FANCM: variants seen among roughly 807,000 people sequenced by gnomAD.
FANCM encodes Fanconi anemia group M protein.
In FANCM, 140 loss-of-function variants were observed where a neutral mutation model predicts 199.5. The ratio of observed to expected loss-of-function variants is 0.70; its 90% CI spans 0.61 to 0.81. The LOEUF is 0.81. FANCM is among the 30% of genes least tolerant of loss of function. The pLI is 0.00. For synonymous variants in FANCM, 840 were observed against 836.8 expected (o/e 1.00, Z -0.07); for missense variants, 2,410 against 2,421.4 (o/e 1.00, Z 0.10).
At chr14:45,158,168 A>C (rs566128369) in intron 8 of FANCM, among the ~76,000 whole-genome samples, 20 of 152,338 alleles carry the variant, frequency 1.3e-4, no homozygotes, top group African/African-American at 4.8e-4. Flanking sequence ...ACTGCATTCC[A>C]GCCTAGGTGA....
chr14:45,156,634 A>G (rs904285237), intron 8 of FANCM, among the ~76,000 whole-genome samples: 3 of 151,964 alleles, frequency 2.0e-5, no homozygotes, highest in Non-Finnish European at 1.5e-5. Flanking sequence ...AGAAAAAGGG[A>G]ATTGGCCAGG....
chr14:45,181,877 A>T (rs1889095844), intron 16 of FANCM, among the ~76,000 whole-genome samples, 172 bp downstream of exon 16: 1 of 152,210 alleles, frequency 6.6e-6, no homozygotes, highest in Non-Finnish European at 1.5e-5. Context: ...AGATGTATTC[A>T]CTGTAAACTT....
At chr14:45,158,361 CA>C (rs1295493148) in intron 8 of FANCM, among the ~76,000 whole-genome samples, 2 of 152,042 alleles carry the variant, frequency 1.3e-5, no homozygotes, top group Admixed American at 1.3e-4. Context: ...ACCAATCACC[CA>C]GAGAATTAAG....
intron 11 of FANCM, among the ~76,000 whole-genome samples, chr14:45,169,390 T>TC (rs1016495309): frequency 2.0e-5 from 3 of 151,310 alleles, no homozygotes; most frequent in African/African-American, 7.3e-5. Context: ...TTTGTTTTTT[T>TC]TTTTTCATTT....
chr14:45,152,096 T>C (rs1011795106), intron 5 of FANCM, among the ~76,000 whole-genome samples: 1 of 151,632 alleles, frequency 6.6e-6, no homozygotes, highest in African/African-American at 2.4e-5. Context: ...TGGTGTGACC[T>C]TGGCTCACTG....
At chr14:45,192,534 T>A (rs1321129667) in intron 20 of FANCM, among the ~76,000 whole-genome samples, 1 of 152,106 alleles carries the variant, frequency 6.6e-6, no homozygotes, top group African/African-American at 2.4e-5. Context: ...CCCCAGCTAT[T>A]CAGGAGGCTG....
chr14:45,166,998 T>C lies in FANCM; in HGVS notation c.1837T>C (p.Ser613Pro). 1 of 1,609,530 alleles carries C rather than the reference T, an allele frequency of 6.2e-7. No homozygotes were observed. Among genetic ancestry groups the C allele is most frequent in the Non-Finnish European group, 8.5e-7 (1 of 1,175,828 alleles). ...SNKRSIYKAI[S>P]SNRQVLHFYQ... ...CAAAAGAAGTATATATAAAGCTATT[T>C]CAAGTAACAGGCAGGTCCTTCATTT... is the stretch of plus-strand genomic sequence containing the variant. Residue 613 changes from serine (S) to proline (P), a missense_variant, in exon 11 of 23, where the codon TCA becomes CCA. Transcript: ENST00000267430.
chr14:45,163,380 T>C (rs1887740322), intron 9 of FANCM, among the ~76,000 whole-genome samples: 1 of 152,232 alleles, frequency 6.6e-6, no homozygotes, highest in African/African-American at 2.4e-5. Flanking sequence ...AATTCAGCTT[T>C]TGATGTTGCA....
At chr14:45,141,465 T>TCCCCCCCCC (rs1885939670) in intron 3 of FANCM, among the ~76,000 whole-genome samples, 1 of 122,474 alleles carries the variant, frequency 8.2e-6, no homozygotes, top group African/African-American at 3.5e-5. Context: ...GTTGCAGGAC[T>TCCCCCCCCC]CCCCTCCCCT....
At chr14:45,138,545 TTA>T (rs1301822134) in intron 2 of FANCM, among the ~76,000 whole-genome samples, 55 of 152,238 alleles carry the variant, frequency 3.6e-4, no homozygotes, top group African/African-American at 1.3e-3. Flanking sequence ...TTAAAAAATT[TTA>T]GCTTGAGGCC....
intron 3 of FANCM, among the ~76,000 whole-genome samples, chr14:45,142,489 G>A (rs112523216): frequency 0.013 from 1,921 of 151,836 alleles, 65 homozygotes; most frequent in African/African-American, 0.044. Context: ...TGTATTTTTA[G>A]TAGAGACAAG....
At chr14:45,157,438 G>T (rs2139180845) in intron 8 of FANCM, among the ~76,000 whole-genome samples, 1 of 152,296 alleles carries the variant, frequency 6.6e-6, no homozygotes, top group African/African-American at 2.4e-5. Context: ...AAAAAAGCTT[G>T]GGGAGGAAAC....
chr14:45,174,266 A>C (rs1888521472), intron 13 of FANCM, among the ~76,000 whole-genome samples: 1 of 152,124 alleles, frequency 6.6e-6, no homozygotes, highest in Non-Finnish European at 1.5e-5. Flanking sequence ...ACATGCCTGT[A>C]ATCCCAGCTA....
chr14:45,161,340 T>C (rs1238890943), intron 9 of FANCM, among the ~76,000 whole-genome samples: 1 of 152,218 alleles, frequency 6.6e-6, no homozygotes, highest in Non-Finnish European at 1.5e-5. Context: ...AGAAACACGA[T>C]ATTAAGTCAG....
rs752523363 is a variant in FANCM, at chr14:45,183,887, A to G, written c.4500A>G (p.Arg1500=). The G allele has an allele frequency of 2.5e-6, 4 of 1,610,700 alleles. No individual in the cohort carries two copies. Among genetic ancestry groups the G allele is most frequent in the South Asian group, 1.1e-5 (1 of 90,926 alleles). ...GAAGAGGCATCAAAGTCCCAAAGAGACAGAGTCACTTAAAGGTAATCTTTT... is the reference window on the plus strand; with the variant it reads ...GAAGAGGCATCAAAGTCCCAAAGAGGCAGAGTCACTTAAAGGTAATCTTTT... ...NARRGIKVPK[R]QSHLKHVARK... is the part of the protein sequence containing the mutation. Residue 1500 remains arginine (R), a synonymous_variant, in exon 17 of 23, where the codon AGA becomes AGG. Coordinates refer to ENST00000267430, the MANE Select transcript of FANCM (RefSeq NM_020937.4).
Position 45,165,415 on chromosome 14 carries a change from G to A in FANCM, c.1788+850G>A, listed in dbSNP as rs117540623. 5.8e-4 allele frequency among the ~76,000 whole-genome samples: 88 copies of A among 152,188 alleles called. No homozygotes were observed. The East Asian group carries it at 0.016, about 27-fold the overall frequency. On this transcript the variant is annotated intron_variant, in intron 10 of 22. Transcript: ENST00000267430. ...ATACAAAAACGAGACAGGTGTGGTG[G>A]CGCACGTCTGTAATCCCAGCTACTT...
intron 20 of FANCM, among the ~76,000 whole-genome samples, chr14:45,192,400 G>A (rs1889817347): frequency 6.6e-6 from 1 of 152,212 alleles, no homozygotes; most frequent in Non-Finnish European, 1.5e-5. Flanking sequence ...CCAGCACTTT[G>A]GGAGGCCGAG....
At chr14:45,147,903 C>T (rs530014234) in intron 3 of FANCM, among the ~76,000 whole-genome samples, 4 of 147,732 alleles carry the variant, frequency 2.7e-5, no homozygotes, top group Non-Finnish European at 1.5e-5. Flanking sequence ...AACCGCCCCC[C>T]CCCCAAAAAA....
intron 3 of FANCM, among the ~76,000 whole-genome samples, chr14:45,147,263 C>G (rs899120791): frequency 6.6e-6 from 1 of 152,058 alleles, no homozygotes; most frequent in Admixed American, 6.6e-5. Flanking sequence ...TCCCCGCCCC[C>G]CCCAAAACCA....
Sources: allele counts gnomAD v4.1 joint callset (sites outside exome capture counted in the v4.1 genomes callset), GRCh38; gene constraint gnomAD v4.1.1; transcripts MANE v1.5; gene names NCBI Gene and HGNC (gene_info 2026-07-23, HGNC 2026-07-21).